The following PARD3B variants were observed in gnomAD, a reference collection of about 807,000 sequenced individuals.
PARD3B encodes the protein partitioning defective 3 homolog B.
PARD3B carries 103 observed loss-of-function variants against 130.2 expected under a neutral mutation model. The ratio of observed to expected loss-of-function variants is 0.79; its 90% CI spans 0.67 to 0.93. The LOEUF is 0.93. Among genes scored for constraint, PARD3B ranks in the 40% least tolerant of loss-of-function variants. The pLI is 0.00. For missense variants in PARD3B, 1,609 were observed against 1,499.2 expected (o/e 1.07, Z -1.21); for synonymous variants, 583 against 553.2 (o/e 1.05, Z -0.76).
chr2:204,563,850 T>C (rs557156398), intron 1 of PARD3B, among the ~76,000 whole-genome samples: 1 of 152,318 alleles, frequency 6.6e-6, no homozygotes, highest in East Asian at 1.9e-4. Context: ...GTCGGCTCAC[T>C]GCCAGATCCA....
At chr2:205,073,651 C>A (rs1050362955) in intron 4 of PARD3B, among the ~76,000 whole-genome samples, 1 of 151,990 alleles carries the variant, frequency 6.6e-6, no homozygotes, top group African/African-American at 2.4e-5. Context: ...GTTTTTAGAC[C>A]TGATTATGTT....
chr2:204,585,267 G>A (rs1047646092), intron 1 of PARD3B, among the ~76,000 whole-genome samples: 4 of 152,126 alleles, frequency 2.6e-5, no homozygotes, highest in African/African-American at 4.8e-5. Context: ...TAGCCCTGTG[G>A]TCTTTCTAAT....
chr2:205,456,140 G>T (rs1004440232), intron 20 of PARD3B, among the ~76,000 whole-genome samples: 2 of 152,030 alleles, frequency 1.3e-5, no homozygotes, highest in African/African-American at 4.8e-5. Flanking sequence ...TCTTACTTCT[G>T]AGTAGTAACC....
intron 2 of PARD3B, among the ~76,000 whole-genome samples, chr2:204,953,207 T>C (rs999862067): frequency 5.9e-5 from 9 of 151,948 alleles, no homozygotes; most frequent in African/African-American, 2.2e-4. Flanking sequence ...ACCTACACTT[T>C]CGTATGTCTG....
intron 22 of PARD3B, among the ~76,000 whole-genome samples, chr2:205,570,453 A>G (rs1418655699): frequency 6.6e-6 from 1 of 151,978 alleles, no homozygotes; most frequent in Admixed American, 6.6e-5. Flanking sequence ...ATACCCATAC[A>G]GTAGTTTATT....
chr2:205,499,347 GT>G (rs2050070387), intron 20 of PARD3B, among the ~76,000 whole-genome samples: 1 of 150,416 alleles, frequency 6.6e-6, no homozygotes, highest in Non-Finnish European at 1.5e-5. Context: ...TTACTGTTTT[GT>G]TTTGTTTTTT....
chr2:204,765,145 A>G (rs1206403783), intron 2 of PARD3B, among the ~76,000 whole-genome samples: 1 of 152,166 alleles, frequency 6.6e-6, no homozygotes, highest in Non-Finnish European at 1.5e-5. Flanking sequence ...GCAGGATAAA[A>G]CAGAGGTCAG....
chr2:205,234,241 G>A (rs1212959295), intron 15 of PARD3B, among the ~76,000 whole-genome samples: 2 of 152,162 alleles, frequency 1.3e-5, no homozygotes, highest in African/African-American at 4.8e-5. Context: ...GATCACTTGA[G>A]CCCAGGAGTT....
At position 204,545,713 on chromosome 2, in the gene PARD3B, GGGAGGA is replaced by G; in HGVS notation, c.-273_-268del. ...GCCTGGGCCGGGCAGGAGTAGGAGCGGGAGGAGGAGGAGGAGGAGCCGGTGCCGCGG... is the reference window on the plus strand; with the variant it reads ...GCCTGGGCCGGGCAGGAGTAGGAGCGGGAGGAGGAGGAGCCGGTGCCGCGG... On this transcript the variant is annotated 5_prime_UTR_variant, in exon 1 of 23. Transcript: ENST00000406610. 2 of 223,702 alleles carry G rather than the reference GGGAGGA, an allele frequency of 8.9e-6. No homozygotes were observed. Among genetic ancestry groups the G allele is most frequent in the Non-Finnish European group, 1.5e-5 (2 of 135,808 alleles). 13.9% of individuals were successfully genotyped at this position (223,702 alleles called of 1,614,324 possible).
intron 18 of PARD3B, among the ~76,000 whole-genome samples, chr2:205,389,635 C>T (rs563009851): frequency 5.9e-5 from 9 of 152,324 alleles, no homozygotes; most frequent in East Asian, 3.9e-4. Flanking sequence ...TGAGCCACTG[C>T]GCCCGGCCTG....
In PARD3B at chr2:205,508,546, CG is replaced by C. The variant is rs550361238; in HGVS notation, c.3180+8518del. Among the ~76,000 whole-genome samples, 27 of 147,984 alleles carry C rather than the reference CG, an allele frequency of 1.8e-4. No homozygotes were observed. In the South Asian group the frequency reaches 4.8e-3, roughly 26 times the overall value. ...ATAATCATGCCACTGCATTCCAGCT[CG>C]GGCAACAGAGCAAGACCCTTTCTCC... On this transcript the variant is annotated intron_variant, in intron 21 of 22. Coordinates refer to ENST00000406610, the MANE Select transcript of PARD3B (RefSeq NM_001302769.2).
intron 3 of PARD3B, among the ~76,000 whole-genome samples, chr2:204,999,028 T>C (rs1324883360): frequency 6.6e-6 from 1 of 152,038 alleles, no homozygotes; most frequent in African/African-American, 2.4e-5. Flanking sequence ...CTGGCACTTC[T>C]AGAGTAATCT....
chr2:205,373,670 G>A (rs849197), intron 18 of PARD3B, among the ~76,000 whole-genome samples: 37,726 of 152,040 alleles, frequency 0.25, 6,124 homozygotes, highest in African/African-American at 0.46. Flanking sequence ...CCTCAGTTAT[G>A]CTTGATACTT....
chr2:205,521,507 A>T (rs868320347), intron 21 of PARD3B, among the ~76,000 whole-genome samples: 1 of 151,926 alleles, frequency 6.6e-6, no homozygotes, highest in Non-Finnish European at 1.5e-5. Context: ...GATATTGACT[A>T]GTTTTTTCAC....
intron 2 of PARD3B, among the ~76,000 whole-genome samples, chr2:204,795,945 T>C (rs1192320530): frequency 2.6e-5 from 4 of 152,204 alleles, no homozygotes; most frequent in African/African-American, 9.6e-5. Flanking sequence ...AAATAAAATT[T>C]AACAGGTTTT....
At chr2:204,716,385 T>A (rs993540379) in intron 2 of PARD3B, among the ~76,000 whole-genome samples, 1 of 151,938 alleles carries the variant, frequency 6.6e-6, no homozygotes, top group Non-Finnish European at 1.5e-5. Context: ...TGTATATACA[T>A]GAAAATTTGA....
intron 22 of PARD3B, among the ~76,000 whole-genome samples, chr2:205,595,774 A>C (rs543445142): frequency 6.6e-6 from 1 of 152,330 alleles, no homozygotes; most frequent in African/African-American, 2.4e-5. Flanking sequence ...CTCACTCACA[A>C]TAAAACCTTG....
At chr2:204,776,791 C>G (rs1478171866) in intron 2 of PARD3B, among the ~76,000 whole-genome samples, 1 of 151,856 alleles carries the variant, frequency 6.6e-6, no homozygotes. Context: ...GATGCCTCTT[C>G]TCTTACCTCC....
At chr2:205,224,398 A>G (rs71427775) in intron 15 of PARD3B, among the ~76,000 whole-genome samples, 4 of 148,304 alleles carry the variant, frequency 2.7e-5, no homozygotes, top group Admixed American at 6.7e-5. Flanking sequence ...AGAAAGAAAG[A>G]AAGAAAAAGA....
Sources: allele counts gnomAD v4.1 joint callset (sites outside exome capture counted in the v4.1 genomes callset), GRCh38; gene constraint gnomAD v4.1.1; transcripts MANE v1.5; gene names NCBI Gene and HGNC (gene_info 2026-07-23, HGNC 2026-07-21).